Variants in ZFPM2 observed in about 807,000 individuals in gnomAD.
ZFPM2 encodes the protein zinc finger protein ZFPM2.
Under a neutral mutation model 98.6 loss-of-function variants are expected in ZFPM2, and 20 were observed. The ratio of observed to expected loss-of-function variants is 0.20; its 90% confidence interval spans 0.14 to 0.29. The LOEUF is 0.29. Ranked by LOEUF, ZFPM2 falls within the 10% of genes least tolerant of loss-of-function variation. The pLI is 1.00. For synonymous variants in ZFPM2, 518 were observed against 502.7 expected, an observed-to-expected ratio of 1.03 and a Z score of -0.41; for missense variants, 1,310 against 1,388.6, an observed-to-expected ratio of 0.94 and a Z score of 0.90.
At chr8:105,750,462 A>G (rs556733218) in intron 5 of ZFPM2, among the ~76,000 whole-genome samples, 1 of 152,196 alleles carries the variant, frequency 6.6e-6, no homozygotes, top group Non-Finnish European at 1.5e-5. Context: ...ATTGGGTTCT[A>G]CGTTTTAAAA....
intron 5 of ZFPM2, among the ~76,000 whole-genome samples, chr8:105,694,049 C>T (rs373508437): frequency 1.0e-4 from 14 of 133,522 alleles, no homozygotes; most frequent in Non-Finnish European, 1.5e-4. Context: ...TGCAGTGGTG[C>T]GATCTCGGCT....
At position 105,803,894 on chromosome 8, in the gene ZFPM2, A is replaced by G. The variant is rs1563576019; in HGVS notation, c.*356A>G. 1 of 172,224 alleles carries G rather than the reference A, an allele frequency of 5.8e-6. No homozygotes were observed. Among genetic ancestry groups the G allele is most frequent in the Admixed American group, 5.7e-5 (1 of 17,642 alleles). 10.7% of individuals were successfully genotyped at this position (172,224 alleles called of 1,614,324 possible). A position where few individuals can be genotyped will look rare whatever the true frequency, so the allele number is the denominator to read the frequency against. ...AAAGAAAATAGTCACAATACAGAAAAGCATTTTAGAAATAGCTTCAAAAGC... is the reference window on the plus strand; with the variant it reads ...AAAGAAAATAGTCACAATACAGAAAGGCATTTTAGAAATAGCTTCAAAAGC... On this transcript the variant is annotated 3_prime_UTR_variant, in exon 8 of 8. Transcript: ENST00000407775.
chr8:105,512,882 A>ATG (rs141926738), intron 3 of ZFPM2, among the ~76,000 whole-genome samples: 2,740 of 151,440 alleles, frequency 0.018, 84 homozygotes, highest in African/African-American at 0.062. Flanking sequence ...ATGTATGTAT[A>ATG]TGTGTGTGTG....
chr8:105,579,996 A>C (rs1440490789), intron 4 of ZFPM2, among the ~76,000 whole-genome samples: 2 of 152,060 alleles, frequency 1.3e-5, no homozygotes, highest in African/African-American at 2.4e-5. Context: ...TGCTCTCCCT[A>C]TCTCTTCATC....
chr8:105,801,737 A>T lies in ZFPM2; in HGVS notation c.1655A>T (p.Glu552Val). 6.2e-7 allele frequency: 1 copy of T among 1,613,904 alleles called. No individual in the cohort carries two copies. ...PLMPKGATCF[E>V]CNITFNNLDN... ...ATGCCCAAGGGGGCTACTTGTTTTG[A>T]GTGTAACATAACATTCAATAATTTG... is the stretch of plus-strand genomic sequence containing the variant. The change falls in exon 8 of 8, where the codon GAG becomes GTG. Residue 552 changes from glutamate to valine, a missense_variant. Physicochemically the swap from Glu to Val is moderately radical, Grantham distance 121. Transcript: ENST00000407775.
chr8:105,322,354 G>C (rs992247643), intron 1 of ZFPM2, among the ~76,000 whole-genome samples: 1 of 151,746 alleles, frequency 6.6e-6, no homozygotes, highest in Admixed American at 6.6e-5. Flanking sequence ...TCTTCTTCAA[G>C]CTGTTGTCTC....
intron 3 of ZFPM2, among the ~76,000 whole-genome samples, chr8:105,515,031 A>G (rs1813891173): frequency 8.3e-6 from 1 of 120,998 alleles, no homozygotes; most frequent in Admixed American, 7.5e-5. Context: ...ACAGGGTATA[A>G]CATTATCATC....
chr8:105,733,775 C>T (rs562259919), intron 5 of ZFPM2, among the ~76,000 whole-genome samples: 53 of 151,964 alleles, frequency 3.5e-4, no homozygotes, highest in African/African-American at 1.1e-3. Flanking sequence ...TCTTACTGAG[C>T]TGTCACTTAC....
Position 105,768,890 on chromosome 8 carries a change from A to C in ZFPM2, c.533-19828A>C, listed in dbSNP as rs58787081. 3.7e-3 allele frequency among the ~76,000 whole-genome samples: 557 copies of C among 151,088 alleles called. 3 individuals are homozygous for C. The highest frequency in any genetic ancestry group is 0.013 in the African/African-American group (517 of 41,258). ...TATATAACCTTTGGCACATCACCCA[A>C]CTCCTTGGAGCTTGATTTTCTTCAT... is the stretch of plus-strand genomic sequence containing the variant. On this transcript the variant is annotated intron_variant, in intron 5 of 7. Coordinates refer to ENST00000407775, the MANE Select transcript of ZFPM2 (RefSeq NM_012082.4).
At chr8:105,547,555 A>AG in intron 3 of ZFPM2, among the ~76,000 whole-genome samples, 1 of 119,248 alleles carries the variant, frequency 8.4e-6, no homozygotes, top group Non-Finnish European at 2.0e-5. Context: ...AAAAAAAAAA[A>AG]AAAAAAAAAA....
Position 105,505,538 on chromosome 8 carries a change from C to CT in ZFPM2, c.302-55815dup, listed in dbSNP as rs567393653. On this transcript the variant is annotated intron_variant, in intron 3 of 7. Transcript: ENST00000407775. ...TCCCAAAGCAGCATATTAAAACATA[C>CT]TTTTTTTTTTCTGTTGACATTCTAA... 3.7e-3 allele frequency among the ~76,000 whole-genome samples: 549 copies of CT among 149,842 alleles called. 5 individuals are homozygous for CT. Among genetic ancestry groups the CT allele is most frequent in the African/African-American group, 0.012 (500 of 40,932 alleles).
rs529493227 is a variant in ZFPM2, at chr8:105,712,595, G to A, written c.533-76123G>A. Among the ~76,000 whole-genome samples the A allele has an allele frequency of 3.9e-5, 6 of 152,072 alleles. No individual in the cohort carries two copies. The South Asian group carries it at 1.2e-3, about 32-fold the overall frequency. On this transcript the variant is annotated intron_variant, in intron 5 of 7. Coordinates refer to ENST00000407775, the MANE Select transcript of ZFPM2 (RefSeq NM_012082.4). The stretch of plus-strand genomic sequence containing the variant: ...TTTAGGTTCAGATTCAAGGAGTGCA[G>A]TGGTAGGTTTATTTTAAGGTTATAT...
intron 3 of ZFPM2, among the ~76,000 whole-genome samples, chr8:105,481,357 GC>G (rs1370743875): frequency 6.6e-6 from 1 of 152,100 alleles, no homozygotes; most frequent in African/African-American, 2.4e-5. Context: ...AAGATCAGGT[GC>G]CAGCATGGTC....
chr8:105,377,568 C>G (rs866822715), intron 1 of ZFPM2, among the ~76,000 whole-genome samples: 1 of 137,670 alleles, frequency 7.3e-6, no homozygotes, highest in Non-Finnish European at 1.5e-5. Context: ...TTGCGACCAG[C>G]TTGGCCAACA....
intron 1 of ZFPM2, among the ~76,000 whole-genome samples, chr8:105,329,113 A>G (rs1192237305): frequency 6.6e-6 from 1 of 151,888 alleles, no homozygotes; most frequent in African/African-American, 2.4e-5. Context: ...TGAGCACAAC[A>G]GAGAAACGAA....
At chr8:105,413,170 G>A (rs1811610975) in intron 1 of ZFPM2, among the ~76,000 whole-genome samples, 1 of 151,668 alleles carries the variant, frequency 6.6e-6, no homozygotes, top group Non-Finnish European at 1.5e-5. Context: ...TTTTGTGAAT[G>A]TTATCCTGAA....
intron 6 of ZFPM2, among the ~76,000 whole-genome samples, chr8:105,789,442 C>T (rs1442498665): frequency 2.0e-5 from 3 of 152,186 alleles, no homozygotes; most frequent in African/African-American, 7.2e-5. Context: ...ACATAGTATT[C>T]CATGGTGTAT....
intron 3 of ZFPM2, among the ~76,000 whole-genome samples, chr8:105,531,452 C>T (rs965533196): frequency 3.3e-5 from 5 of 152,170 alleles, no homozygotes; most frequent in Admixed American, 2.0e-4. Flanking sequence ...CTCTGTGTGT[C>T]TTTGTCATCT....
Position 105,345,551 on chromosome 8 carries a change from C to T in ZFPM2, c.40+26570C>T, listed in dbSNP as rs1028890430. Among the ~76,000 whole-genome samples, 3 of 149,530 alleles carry T rather than the reference C, an allele frequency of 2.0e-5. No homozygotes were observed. The East Asian group carries it at 5.9e-4, about 30-fold the overall frequency. ...CTACCATCAAGGGAAGTTCATGCTT[C>T]CTTAAACGTATGGAAGCTCTTTCAG... On this transcript the variant is annotated intron_variant, in intron 1 of 7. Coordinates refer to ENST00000407775, the MANE Select transcript of ZFPM2 (RefSeq NM_012082.4).
Sources: allele counts gnomAD v4.1 joint callset (sites outside exome capture counted in the v4.1 genomes callset), GRCh38; gene constraint gnomAD v4.1.1; transcripts MANE v1.5; gene names NCBI Gene and HGNC (gene_info 2026-07-23, HGNC 2026-07-21).